EIF3I: variants seen among roughly 807,000 people sequenced by gnomAD.
EIF3I encodes TGF-beta receptor-interacting protein 1.
A neutral mutation model predicts 43.3 loss-of-function variants in EIF3I; 20 were observed. That is an observed-to-expected ratio of 0.46 (90% CI 0.32 to 0.67). EIF3I has a LOEUF of 0.67. Ranked by LOEUF, EIF3I falls within the 30% of genes least tolerant of loss-of-function variation. The pLI, the probability that EIF3I is intolerant of heterozygous loss-of-function variation, is 0.03. For missense variants in EIF3I, 279 were observed against 421.4 expected, an observed-to-expected ratio of 0.66 and a Z score of 2.96; for synonymous variants, 167 against 151.7, an observed-to-expected ratio of 1.10 and a Z score of -0.74.
chr1:32,222,771 T>C (rs2124254971), intron 2 of EIF3I, 141 bp downstream of exon 2: 4 of 812,468 alleles, frequency 4.9e-6, no homozygotes, highest in Non-Finnish European at 7.9e-6. Flanking sequence ...CGGGGGTAGG[T>C]TGGCGAAAGT....
intron 6 of EIF3I, among the ~76,000 whole-genome samples, chr1:32,227,307 A>G (rs931519748): frequency 3.3e-5 from 5 of 151,490 alleles, no homozygotes; most frequent in African/African-American, 1.2e-4. Flanking sequence ...AAAGTTAATA[A>G]AAAATTTTAA....
exon 6 of EIF3I, chr1:32,226,471 C>T (rs762689623): frequency 6.3e-7 from 1 of 1,597,486 alleles, no homozygotes. Flanking sequence ...TTGGGGACCC[C>T]TGGGGGAGTG....
rs145773925 is a variant in EIF3I at position 32,226,895 on chromosome 1, C to A, written c.528+365C>A. Among the ~76,000 whole-genome samples, 188 of 129,978 alleles carry A rather than the reference C, an allele frequency of 1.4e-3. 1 individual carries two copies. The highest frequency in any genetic ancestry group is 1.9e-3 in the Non-Finnish European group (125 of 64,264). 85.3% of individuals were successfully genotyped at this position (129,978 alleles called of 152,430 possible). On this transcript the variant is annotated intron_variant, in intron 6 of 11. Transcript: ENST00000676679. ...TCACCCAGGCTGGAGTGCAGTGGTA[C>A]GATCTCGGCTCACTGCAACCTCCAC...
chr1:32,225,223 G>T lies in EIF3I; in HGVS notation c.250+748G>T, dbSNP rs889591870. ...ACTCCTCAGCTCAAGTGATCCACCC[G>T]CCTTGGCCTCCCAAAGTGCTGAGAT... On this transcript the variant is annotated intron_variant, in intron 4 of 11. Transcript: ENST00000676679. Among the ~76,000 whole-genome samples, 4 of 151,796 alleles carry T rather than the reference G, an allele frequency of 2.6e-5. No homozygotes were observed. In the East Asian group the frequency reaches 5.9e-4, roughly 22 times the overall value.
At chr1:32,222,612 T>A in exon 2 of EIF3I, 1 of 1,614,088 alleles carries the variant, frequency 6.2e-7, no homozygotes, top group Non-Finnish European at 8.5e-7. Flanking sequence ...ACCTCCTCTT[T>A]ACTGTGGCCA....
chr1:32,229,557 T>C (rs1482882569), intron 9 of EIF3I, among the ~76,000 whole-genome samples: 5 of 142,174 alleles, frequency 3.5e-5, no homozygotes, highest in African/African-American at 7.9e-5. Context: ...CTTTTTTTTT[T>C]TTTTTTTTTT....
intron 3 of EIF3I, 84 bp from the exon 4 acceptor site, chr1:32,224,326 G>A (rs995674739): frequency 2.0e-5 from 25 of 1,274,670 alleles, no homozygotes; most frequent in African/African-American, 8.8e-5. Context: ...GCTCTTTGGG[G>A]CTGAACAGGG....
At chr1:32,226,101 G>A in intron 4 of EIF3I, 70 bp from the exon 5 acceptor site, 1 of 1,564,600 alleles carries the variant, frequency 6.4e-7, no homozygotes, top group Non-Finnish European at 8.7e-7. Context: ...AGATGTGATG[G>A]TAGCATTCTC....
At chr1:32,229,861 T>C (rs1249729056) in intron 9 of EIF3I, among the ~76,000 whole-genome samples, 1 of 151,842 alleles carries the variant, frequency 6.6e-6, no homozygotes, top group African/African-American at 2.4e-5. Context: ...TTCATTATAT[T>C]TCTCTATGTC....
At chr1:32,223,088 A>G (rs1447175618) in intron 2 of EIF3I, among the ~76,000 whole-genome samples, 1 of 152,172 alleles carries the variant, frequency 6.6e-6, no homozygotes, top group African/African-American at 2.4e-5. Flanking sequence ...GATAAAGATG[A>G]GGGTCAGCTT....
rs201570798 is a variant in EIF3I at position 32,222,535 on chromosome 1, C to T, written c.4-3C>T. The T allele has an allele frequency of 1.4e-5, 22 of 1,614,046 alleles. No individual in the cohort carries two copies. The highest frequency in any genetic ancestry group is 6.7e-5 in the African/African-American group (5 of 74,924). On this transcript the variant is annotated splice_region_variant and splice_polypyrimidine_tract_variant and intron_variant, in intron 1 of 11. Coordinates refer to ENST00000676679, the Ensembl canonical transcript of EIF3I. ...CACTGACGTTACTGTCTTGTCCCCA[C>T]AGAAGCCGATCCTACTGCAGGGCCA...
chr1:32,224,658 C>CTTTTTTT (rs58586351), intron 4 of EIF3I, among the ~76,000 whole-genome samples, 183 bp downstream of exon 4: 51 of 136,278 alleles, frequency 3.7e-4, no homozygotes, highest in Non-Finnish European at 4.8e-4. Context: ...ATTAAGTTTT[C>CTTTTTTT]TTTTTTTTTT....
downstream of EIF3I, chr1:32,234,220 C>T (rs1032421346): frequency 6.6e-6 from 1 of 151,546 alleles, no homozygotes; most frequent in Non-Finnish European, 1.5e-5. Context: ...ATAGCTTGAA[C>T]CAGGGAGGCA....
At position 32,224,627 on chromosome 1, in the gene EIF3I, G is replaced by A. The variant is rs531251436; in HGVS notation, c.250+152G>A. ...AAGAAAGATAGATGAGAAAATACAC[G>A]CCATGGTAGAGGAAGCATAGATTAA... On this transcript the variant is annotated intron_variant, in intron 4 of 11. Transcript: ENST00000676679. The A allele has an allele frequency of 1.2e-3, 655 of 539,044 alleles. 2 individuals carry two copies. Among genetic ancestry groups the A allele is most frequent in the Non-Finnish European group, 1.7e-3 (505 of 301,258 alleles). The allele number at this position is 539,044 out of a possible 1,614,324, so 33.4% of individuals were successfully genotyped here.
downstream of EIF3I, chr1:32,232,139 G>T (rs1639246830): frequency 6.6e-6 from 1 of 152,390 alleles, no homozygotes; most frequent in Non-Finnish European, 1.5e-5. Flanking sequence ...GGCTGGTTGA[G>T]CCCAGACCAC....
At chr1:32,224,102 G>C (rs748201521) in exon 3 of EIF3I, 9 of 1,614,174 alleles carry the variant, frequency 5.6e-6, no homozygotes, top group Non-Finnish European at 6.8e-6. Flanking sequence ...CCGGAGCTGT[G>C]TGGTGTGTGG....
exon 8 of EIF3I, chr1:32,228,766 C>A: frequency 6.2e-7 from 1 of 1,614,150 alleles, no homozygotes; most frequent in Non-Finnish European, 8.5e-7. Flanking sequence ...GAAGACTTTC[C>A]GGACAGAACG....
At chr1:32,229,547 C>CT (rs1199129615) in intron 9 of EIF3I, among the ~76,000 whole-genome samples, 1,666 of 104,476 alleles carry the variant, frequency 0.016, 20 homozygotes, top group African/African-American at 0.019. Flanking sequence ...CGTGCCCAGC[C>CT]TTTTTTTTTT....
At chr1:32,230,884 G>T in intron 10 of EIF3I, 43 bp from the exon 10 acceptor site, 1 of 1,476,406 alleles carries the variant, frequency 6.8e-7, no homozygotes, top group Non-Finnish European at 9.3e-7. Flanking sequence ...AAGTGTTTTG[G>T]AAGAAGATAG....
Sources: allele counts gnomAD v4.1 joint callset (sites outside exome capture counted in the v4.1 genomes callset), GRCh38; gene constraint gnomAD v4.1.1; transcripts MANE v1.5; gene names NCBI Gene and HGNC (gene_info 2026-07-23, HGNC 2026-07-21).